The following LRRTM4 variants were observed in gnomAD, a reference collection of about 807,000 sequenced individuals.
LRRTM4 encodes the protein leucine-rich repeat transmembrane neuronal protein 4.
LRRTM4 carries 25 observed loss-of-function variants against 47.6 expected under a neutral mutation model. The ratio of observed to expected loss-of-function variants is 0.53; its 90% CI spans 0.38 to 0.73. The LOEUF (loss-of-function observed/expected upper bound fraction) is 0.73, where lower values mean the gene tolerates loss of function less well. Among genes scored for constraint, LRRTM4 ranks in the 30% least tolerant of loss-of-function variants. LRRTM4 has a pLI of 0.00. For missense variants in LRRTM4, 638 were observed against 713.4 expected (o/e 0.89, Z 1.20); for synonymous variants, 311 against 269.5 (o/e 1.15, Z -1.51).
intron 3 of LRRTM4, among the ~76,000 whole-genome samples, chr2:76,831,237 CAT>C (rs1032023812): frequency 1.3e-5 from 2 of 152,088 alleles, no homozygotes; most frequent in African/African-American, 2.4e-5. Flanking sequence ...AAGACACAAA[CAT>C]GTATAGTGAA....
At chr2:77,359,893 A>G (rs964135972) in intron 3 of LRRTM4, among the ~76,000 whole-genome samples, 5 of 152,212 alleles carry the variant, frequency 3.3e-5, no homozygotes, top group African/African-American at 7.2e-5. Context: ...AATTAACTTG[A>G]GATACATTAT....
At chr2:76,898,129 T>C (rs1166691493) in intron 3 of LRRTM4, among the ~76,000 whole-genome samples, 1 of 152,168 alleles carries the variant, frequency 6.6e-6, no homozygotes, top group Non-Finnish European at 1.5e-5. Flanking sequence ...CATCTTGTTA[T>C]ACCCTTGTTT....
intron 3 of LRRTM4, among the ~76,000 whole-genome samples, chr2:77,228,159 T>C (rs1364142731): frequency 6.6e-6 from 1 of 152,122 alleles, no homozygotes; most frequent in South Asian, 2.1e-4. Flanking sequence ...GTATTAAATG[T>C]TTTCTCATGT....
intron 3 of LRRTM4, among the ~76,000 whole-genome samples, chr2:77,038,251 C>A (rs1364924421): frequency 2.0e-5 from 3 of 151,478 alleles, no homozygotes; most frequent in Non-Finnish European, 4.4e-5. Flanking sequence ...GGTTTAATCA[C>A]CATATTGCAT....
chr2:77,144,269 G>C (rs1437459743), intron 3 of LRRTM4, among the ~76,000 whole-genome samples: 1 of 152,004 alleles, frequency 6.6e-6, no homozygotes, highest in Non-Finnish European at 1.5e-5. Context: ...TGTAATTAAG[G>C]CAATTCCTGG....
chr2:76,813,670 A>G (rs773363315), intron 3 of LRRTM4, among the ~76,000 whole-genome samples: 48 of 152,106 alleles, frequency 3.2e-4, no homozygotes, highest in Non-Finnish European at 5.9e-4. Context: ...TGAGTTTTGT[A>G]TTAGGACTGA....
At chr2:76,929,012 A>T (rs1674679917) in intron 3 of LRRTM4, among the ~76,000 whole-genome samples, 1 of 152,130 alleles carries the variant, frequency 6.6e-6, no homozygotes, top group Non-Finnish European at 1.5e-5. Context: ...CCTGTTACAA[A>T]GGTGAGCAGA....
intron 3 of LRRTM4, among the ~76,000 whole-genome samples, chr2:76,900,610 C>T (rs1310609825): frequency 1.3e-5 from 2 of 151,956 alleles, no homozygotes; most frequent in Admixed American, 1.3e-4. Context: ...CCAAATAATT[C>T]AATTGAAACA....
At chr2:76,876,416 G>T (rs964753029) in intron 3 of LRRTM4, among the ~76,000 whole-genome samples, 2 of 152,076 alleles carry the variant, frequency 1.3e-5, no homozygotes, top group African/African-American at 4.8e-5. Context: ...GTGTTGCAAT[G>T]AATGTTGTTT....
At chr2:77,098,073 C>A (rs1670859104) in intron 3 of LRRTM4, among the ~76,000 whole-genome samples, 1 of 151,834 alleles carries the variant, frequency 6.6e-6, no homozygotes, top group South Asian at 2.1e-4. Flanking sequence ...CAGAAAGATA[C>A]ATTTTTACAT....
At chr2:76,905,814 C>A (rs137857235) in intron 3 of LRRTM4, among the ~76,000 whole-genome samples, 2 of 151,876 alleles carry the variant, frequency 1.3e-5, no homozygotes, top group Non-Finnish European at 2.9e-5. Flanking sequence ...AAAAAAGAAA[C>A]GAACAAAGCC....
At chr2:76,854,776 G>T (rs541637188) in intron 3 of LRRTM4, among the ~76,000 whole-genome samples, 4 of 151,062 alleles carry the variant, frequency 2.6e-5, no homozygotes. Flanking sequence ...AAGGCATTTG[G>T]GATACATCAT....
intron 3 of LRRTM4, among the ~76,000 whole-genome samples, chr2:76,995,075 G>C (rs1007888726): frequency 2.6e-5 from 4 of 151,928 alleles, no homozygotes; most frequent in African/African-American, 9.7e-5. Flanking sequence ...GGAGAAATTT[G>C]ACTCAGGAAA....
chr2:77,316,403 G>A (rs1451545485), intron 3 of LRRTM4, among the ~76,000 whole-genome samples: 1 of 152,094 alleles, frequency 6.6e-6, no homozygotes, highest in African/African-American at 2.4e-5. Context: ...AGTTTTTTAA[G>A]TAAATTGAAA....
At chr2:77,046,389 A>G (rs1221815567) in intron 3 of LRRTM4, among the ~76,000 whole-genome samples, 1 of 152,040 alleles carries the variant, frequency 6.6e-6, no homozygotes, top group Non-Finnish European at 1.5e-5. Context: ...TTTTCTAGAA[A>G]AATAGTTACA....
chr2:77,513,191 T>A (rs904686052), intron 3 of LRRTM4, among the ~76,000 whole-genome samples: 2 of 152,184 alleles, frequency 1.3e-5, no homozygotes, highest in Non-Finnish European at 2.9e-5. Flanking sequence ...TATTTTCCCC[T>A]CAAGCATAAA....
At chr2:77,011,544 T>C (rs866159050) in intron 3 of LRRTM4, among the ~76,000 whole-genome samples, 19,989 of 120,416 alleles carry the variant, frequency 0.17, 1,472 homozygotes, top group Non-Finnish European at 0.19. Flanking sequence ...TGTGTGTGTG[T>C]GTGTGTGTGT....
intron 3 of LRRTM4, among the ~76,000 whole-genome samples, chr2:77,213,930 A>G (rs758758307): frequency 1.3e-5 from 2 of 152,016 alleles, no homozygotes; most frequent in Non-Finnish European, 2.9e-5. Flanking sequence ...TTAGGCATTC[A>G]GCTCCTGCAT....
At chr2:77,251,255 A>ATG (rs1558653945) in intron 3 of LRRTM4, among the ~76,000 whole-genome samples, 1 of 143,288 alleles carries the variant, frequency 7.0e-6, no homozygotes, top group African/African-American at 2.6e-5. Flanking sequence ...GTGTGTATAT[A>ATG]TATATACACA....
Sources: gnomAD v4.1 joint callset for allele counts (sites outside exome capture counted in the v4.1 genomes callset) on GRCh38, gnomAD v4.1.1 for gene constraint, MANE v1.5 for transcripts, NCBI Gene and HGNC (gene_info 2026-07-23, HGNC 2026-07-21) for gene names.